Variants in WDFY4 observed in about 807,000 individuals in gnomAD.
The protein encoded by WDFY4 is WDFY family member 4, also known as WD repeat- and FYVE domain-containing protein 4.
In WDFY4, 169 loss-of-function variants were observed where a neutral mutation model predicts 351.9. The ratio of observed to expected loss-of-function variants is 0.48; its 90% CI spans 0.42 to 0.55. The LOEUF (loss-of-function observed/expected upper bound fraction) is 0.55. WDFY4 is among the 20% of genes least tolerant of loss of function. The pLI, the probability that WDFY4 is intolerant of heterozygous loss-of-function variation, is 0.00. For missense variants in WDFY4, 3,803 were observed against 3,935.6 expected (o/e 0.97, Z 0.90); for synonymous variants, 1,622 against 1,574.6 (o/e 1.03, Z -0.71).
intron 39 of WDFY4, among the ~76,000 whole-genome samples, chr10:48,862,351 G>A (rs2069373536): frequency 6.6e-6 from 1 of 152,098 alleles, no homozygotes; most frequent in Admixed American, 6.5e-5. Context: ...GTTTATAGCA[G>A]GGATCCCCAA....
intron 12 of WDFY4, chr10:48,745,509 T>G (rs2064981940): frequency 7.3e-6 from 2 of 275,648 alleles, no homozygotes; most frequent in Admixed American, 5.1e-5. Flanking sequence ...AGCTTTTTGT[T>G]TTTTATTTTT....
At chr10:48,693,040 G>A (rs912623520) in intron 1 of WDFY4, among the ~76,000 whole-genome samples, 1 of 152,202 alleles carries the variant, frequency 6.6e-6, no homozygotes, top group African/African-American at 2.4e-5. Context: ...TTTCCAGGCA[G>A]AGGAGGTGGC....
intron 31 of WDFY4, among the ~76,000 whole-genome samples, chr10:48,815,492 T>G (rs1324906794): frequency 1.3e-5 from 2 of 152,092 alleles, no homozygotes; most frequent in Non-Finnish European, 2.9e-5. Flanking sequence ...AGGGTCTTGC[T>G]CTGTTGCCCA....
At chr10:48,786,364 T>C (rs1424778058) in intron 19 of WDFY4, among the ~76,000 whole-genome samples, 2 of 152,252 alleles carry the variant, frequency 1.3e-5, no homozygotes, top group Admixed American at 6.5e-5. Context: ...AGGTTCTTAG[T>C]AGAATGACTG....
rs1564520109 is a variant in WDFY4 at position 48,946,882 on chromosome 10, C to G, written c.7890C>G (p.His2630Gln). 6.4e-7 allele frequency: 1 copy of G among 1,552,032 alleles called. No individual in the cohort carries two copies. Among genetic ancestry groups the G allele is most frequent in the Admixed American group, 2.0e-5 (1 of 50,998 alleles). The change falls in exon 51 of 62, where the codon CAC (histidine) becomes CAG (glutamine). Residue 2630 changes from histidine (H) to glutamine (Q), a missense_variant. By Grantham distance (24) the His-to-Gln change is conservative. This residue lies in a region of WDFY4 where 3,054 missense variants were observed against 3,148.6 expected (regional missense o/e 0.97). Coordinates refer to ENST00000325239, the MANE Select transcript of WDFY4 (RefSeq NM_001394531.1). ...KTEGDMTVQC[H>Q]YYTHYSSAII... The stretch of plus-strand genomic sequence containing the variant: ...CAGGAGACATGACTGTCCAGTGCCA[C>G]TACTACACCCACTACTCCTCGGCCA...
intron 58 of WDFY4, among the ~76,000 whole-genome samples, chr10:48,976,204 C>T (rs148332817): frequency 6.6e-6 from 1 of 152,170 alleles, no homozygotes; most frequent in East Asian, 1.9e-4. Flanking sequence ...GGGCAAGGCT[C>T]AAAGGGATGG....
intron 2 of WDFY4, among the ~76,000 whole-genome samples, chr10:48,715,617 A>G (rs1565121522): frequency 1.3e-5 from 2 of 151,968 alleles, no homozygotes; most frequent in Non-Finnish European, 2.9e-5. Flanking sequence ...GATGACCAAG[A>G]ATTATTTTTT....
chr10:48,981,233 C>T lies in WDFY4; in HGVS notation c.9377-134C>T, dbSNP rs564019361. The T allele has an allele frequency of 6.2e-5, 45 of 720,210 alleles. No homozygotes were observed. The African/African-American group carries it at 7.6e-4, about 12-fold the overall frequency. 44.6% of individuals were successfully genotyped at this position (720,210 alleles called of 1,614,324 possible). A position where few individuals can be genotyped will look rare whatever the true frequency, so the allele number is the denominator to read the frequency against. On this transcript the variant is annotated intron_variant, in intron 60 of 61. Coordinates refer to ENST00000325239, the MANE Select transcript of WDFY4 (RefSeq NM_001394531.1). ...GCACAGGCCAAGATTAAATATATTT[C>T]CCCCTCAATTTAACAAGTTGCTGAC...
At chr10:48,795,287 G>A (rs1407170792) in intron 23 of WDFY4, among the ~76,000 whole-genome samples, 3 of 151,742 alleles carry the variant, frequency 2.0e-5, no homozygotes, top group Non-Finnish European at 4.4e-5. Flanking sequence ...GGAGAGAGGA[G>A]AAGCAATGAA....
At chr10:48,941,907 G>T in intron 48 of WDFY4, 59 bp downstream of exon 48, 1 of 1,505,938 alleles carries the variant, frequency 6.6e-7, no homozygotes, top group South Asian at 1.2e-5. Flanking sequence ...AATGGCTCAG[G>T]CCCCAGCGAT....
chr10:48,962,555 G>T (rs774081509), intron 53 of WDFY4, among the ~76,000 whole-genome samples: 15 of 152,234 alleles, frequency 9.9e-5, no homozygotes, highest in Admixed American at 6.5e-5. Context: ...GACACCTGAT[G>T]AGAATTATTG....
chr10:48,935,077 C>G (rs917765716), intron 47 of WDFY4: 2 of 152,230 alleles, frequency 1.3e-5, no homozygotes, highest in African/African-American at 4.8e-5. Context: ...GCTGCTTACT[C>G]AAAGGAGGGG....
chr10:48,865,815 G>T (rs948097559), intron 39 of WDFY4, among the ~76,000 whole-genome samples: 10 of 152,084 alleles, frequency 6.6e-5, no homozygotes, highest in Non-Finnish European at 1.5e-4. Context: ...GGCAATTTGT[G>T]TCTTTCTAGG....
At chr10:48,876,974 G>C in intron 42 of WDFY4, 59 bp from the exon 43 acceptor site, 1 of 1,422,232 alleles carries the variant, frequency 7.0e-7, no homozygotes, top group Non-Finnish European at 9.3e-7. Flanking sequence ...GCTGTGCACC[G>C]GCCCTTACCA....
chr10:48,777,570 AT>A, intron 17 of WDFY4, 75 bp downstream of exon 17: 1 of 1,373,106 alleles, frequency 7.3e-7, no homozygotes, highest in Non-Finnish European at 1.0e-6. Flanking sequence ...TTGATTGCAG[AT>A]TTTTACTTGG....
chr10:48,818,653 TAC>T (rs1291917612), intron 32 of WDFY4, among the ~76,000 whole-genome samples: 7 of 152,226 alleles, frequency 4.6e-5, no homozygotes, highest in African/African-American at 1.7e-4. Context: ...TCCTTTTCAT[TAC>T]AGTCAGTTTA....
intron 1 of WDFY4, among the ~76,000 whole-genome samples, chr10:48,699,039 T>C (rs1010312997): frequency 2.6e-5 from 4 of 152,172 alleles, no homozygotes; most frequent in Non-Finnish European, 4.4e-5. Flanking sequence ...AGAAAGCACA[T>C]GCTACAGGGC....
intron 19 of WDFY4, 149 bp downstream of exon 19, chr10:48,780,268 C>A: frequency 9.4e-7 from 1 of 1,066,162 alleles, no homozygotes; most frequent in Non-Finnish European, 1.3e-6. Context: ...ATCTGCCTTA[C>A]TGTTCAGGAA....
chr10:48,783,052 T>A (rs1244625894), intron 19 of WDFY4, among the ~76,000 whole-genome samples: 1 of 152,174 alleles, frequency 6.6e-6, no homozygotes, highest in Admixed American at 6.5e-5. Flanking sequence ...TTTGTTTTTA[T>A]TTGAAAATCT....
Sources: allele counts gnomAD v4.1 joint callset (sites outside exome capture counted in the v4.1 genomes callset), GRCh38; gene constraint gnomAD v4.1.1; regional missense constraint gnomAD v4.1.1; transcripts MANE v1.5; gene names NCBI Gene and HGNC (gene_info 2026-07-23, HGNC 2026-07-21).